Variants in DCAF6 observed in about 807,000 individuals in gnomAD.
DCAF6 encodes DDB1 and CUL4 associated factor 6, also known as DDB1- and CUL4-associated factor 6.
A neutral mutation model predicts 125.1 loss-of-function variants in DCAF6; 54 were observed. The ratio of observed to expected loss-of-function variants is 0.43; its 90% confidence interval spans 0.35 to 0.54. The LOEUF is 0.54. Among genes scored for constraint, DCAF6 ranks in the 20% least tolerant of loss-of-function variants. The pLI, the probability that DCAF6 is intolerant of heterozygous loss-of-function variation, is 0.01. For synonymous variants in DCAF6, 371 were observed against 390.4 expected (o/e 0.95, Z 0.58); for missense variants, 934 against 1,161.7 (o/e 0.80, Z 2.85).
chr1:167,954,319 C>G (rs1473579965), intron 2 of DCAF6, among the ~76,000 whole-genome samples: 5 of 151,954 alleles, frequency 3.3e-5, no homozygotes, highest in Non-Finnish European at 5.9e-5. Flanking sequence ...AGGTCTTACA[C>G]AAATGTTTTC....
At chr1:167,905,194 G>A in the DCAF6 span, 3 of 1,598,974 alleles carry the variant, frequency 1.9e-6, no homozygotes, top group East Asian at 4.5e-5. Context: ...CTCCAAATAG[G>A]TCTTCTAAAA....
chr1:167,945,791 C>T (rs1571596497), intron 1 of DCAF6, among the ~76,000 whole-genome samples: 1 of 150,726 alleles, frequency 6.6e-6, no homozygotes, highest in East Asian at 1.9e-4. Context: ...TGAGCCACCA[C>T]ACCCGGCCTT....
chr1:167,868,763 G>GA, the DCAF6 span, among the ~76,000 whole-genome samples: 1 of 152,204 alleles, frequency 6.6e-6, no homozygotes, highest in African/African-American at 2.4e-5. Flanking sequence ...AAAAGATGAT[G>GA]AATGACCACC....
intron 12 of DCAF6, chr1:168,023,579 T>G: frequency 6.3e-6 from 1 of 159,458 alleles, no homozygotes; most frequent in Non-Finnish European, 1.4e-5. Context: ...CCACTTCCAC[T>G]TGTACTTTTC....
At chr1:167,872,125 T>C in the DCAF6 span, among the ~76,000 whole-genome samples, 1 of 152,094 alleles carries the variant, frequency 6.6e-6, no homozygotes, top group Admixed American at 6.5e-5. Flanking sequence ...GTGGATCCCC[T>C]GAGGTCAGGA....
chr1:167,864,895 G>GAAA, the DCAF6 span, among the ~76,000 whole-genome samples: 8,640 of 129,146 alleles, frequency 0.067, 507 homozygotes, highest in East Asian at 0.27. Flanking sequence ...TTGCTAACAG[G>GAAA]AAAAAAAAAA....
chr1:168,044,490 G>A (rs184391930), intron 14 of DCAF6, 95 bp from the exon 15 acceptor site: 155 of 782,224 alleles, frequency 2.0e-4, no homozygotes, highest in Non-Finnish European at 2.3e-5. Context: ...TATATATGAG[G>A]GACTTGAGGA....
chr1:167,916,564 G>C, the DCAF6 span, among the ~76,000 whole-genome samples: 18 of 150,460 alleles, frequency 1.2e-4, no homozygotes, highest in South Asian at 3.8e-3. Flanking sequence ...GGGCAGAAAA[G>C]AAAAGAAGCA....
At chr1:167,962,316 C>A (rs1039967945) in intron 2 of DCAF6, among the ~76,000 whole-genome samples, 2 of 151,978 alleles carry the variant, frequency 1.3e-5, no homozygotes, top group African/African-American at 4.8e-5. Flanking sequence ...ATACTAGATT[C>A]ATCTGTTTCT....
chr1:167,973,423 T>G (rs1168396143), intron 3 of DCAF6, among the ~76,000 whole-genome samples: 2 of 152,216 alleles, frequency 1.3e-5, no homozygotes, highest in African/African-American at 4.8e-5. Context: ...TATTCTTTCC[T>G]AACAGTCTTT....
At chr1:168,002,431 G>A (rs756637001) in intron 7 of DCAF6, 51 bp from the exon 8 acceptor site, 2 of 1,465,410 alleles carry the variant, frequency 1.4e-6, no homozygotes, top group East Asian at 4.6e-5. Flanking sequence ...TAAGAGTTGA[G>A]AGTAGATGAG....
upstream of DCAF6, among the ~76,000 whole-genome samples, chr1:167,932,822 A>AG (rs1248392494): frequency 4.6e-3 from 694 of 151,412 alleles, 5 homozygotes; most frequent in African/African-American, 0.016. Context: ...AAAAAAAAAA[A>AG]AAAAAGAAAA....
At chr1:167,955,948 G>T (rs1158838827) in intron 2 of DCAF6, among the ~76,000 whole-genome samples, 1 of 152,100 alleles carries the variant, frequency 6.6e-6, no homozygotes, top group African/African-American at 2.4e-5. Context: ...TTTTGTAGAG[G>T]TGGGGTCTCA....
chr1:167,897,663 C>G, the DCAF6 span, among the ~76,000 whole-genome samples: 2,388 of 2,388 alleles, frequency 1, 1,194 homozygotes, highest in Non-Finnish European at 1. Context: ...ACAACGGAAC[C>G]ACTGAAGTGC....
chr1:167,893,296 C>T, the DCAF6 span, among the ~76,000 whole-genome samples: 2 of 152,242 alleles, frequency 1.3e-5, no homozygotes, highest in Non-Finnish European at 2.9e-5. Flanking sequence ...CTCCCATTTG[C>T]GCAATTATAT....
chr1:167,986,836 T>C (rs1156859939), intron 4 of DCAF6, among the ~76,000 whole-genome samples: 1 of 152,174 alleles, frequency 6.6e-6, no homozygotes, highest in Non-Finnish European at 1.5e-5. Context: ...GCAGGGTTTA[T>C]AGAGAGCCTC....
the DCAF6 span, chr1:167,878,609 C>T: frequency 3.7e-6 from 6 of 1,613,970 alleles, no homozygotes; most frequent in African/African-American, 8.0e-5. Context: ...ATCATCCTGG[C>T]AGCTAAGTTG....
chr1:167,895,140 C>A, the DCAF6 span, among the ~76,000 whole-genome samples: 1 of 150,894 alleles, frequency 6.6e-6, no homozygotes, highest in Admixed American at 6.6e-5. Flanking sequence ...CCATATCGCG[C>A]CAGTGCACTC....
At chr1:167,968,621 C>G (rs1439231504) in intron 3 of DCAF6, 2 of 152,356 alleles carry the variant, frequency 1.3e-5, no homozygotes, top group Non-Finnish European at 2.9e-5. Flanking sequence ...TAGGTGGGCC[C>G]TGGTGAAACT....
Sources: allele counts gnomAD v4.1 joint callset (sites outside exome capture counted in the v4.1 genomes callset), GRCh38; gene constraint gnomAD v4.1.1; transcripts MANE v1.5; gene names NCBI Gene and HGNC (gene_info 2026-07-23, HGNC 2026-07-21).